The following SFT2D2 variants were observed in gnomAD, a reference collection of about 807,000 sequenced individuals.
SFT2D2 encodes vesicle transport protein SFT2B.
Under a neutral mutation model 27.4 loss-of-function variants are expected in SFT2D2, and 21 were observed. The observed-to-expected ratio is 0.77, with a 90% CI of 0.54 to 1.10. SFT2D2 has a LOEUF of 1.10. Among genes scored for constraint, SFT2D2 ranks in the 50% least tolerant of loss-of-function variants. The pLI, the probability that SFT2D2 is intolerant of heterozygous loss-of-function variation, is 0.00. For missense variants in SFT2D2, 187 were observed against 194.2 expected, an observed-to-expected ratio of 0.96 and a Z score of 0.22; for synonymous variants, 72 against 71.7, an observed-to-expected ratio of 1.00 and a Z score of -0.02.
chr1:168,229,283 G>C (rs1404033047), intron 1 of SFT2D2, among the ~76,000 whole-genome samples: 1 of 152,148 alleles, frequency 6.6e-6, no homozygotes, highest in Non-Finnish European at 1.5e-5. Context: ...GCAGTGGCTC[G>C]ATCTCGGCTC....
Position 168,231,566 on chromosome 1 carries a change from C to T in SFT2D2, c.116C>T (p.Ala39Val), listed in dbSNP as rs910132178. The T allele has an allele frequency of 1.7e-5, 27 of 1,613,848 alleles. No individual in the cohort carries two copies. Among genetic ancestry groups the T allele is most frequent in the African/African-American group, 4.0e-5 (3 of 74,912 alleles). ...AGTACCAGGATAAAAGGCTTCATTGCGTGTTTTGCTATAGGAATTCTCTGC... is the reference window on the plus strand; with the variant it reads ...AGTACCAGGATAAAAGGCTTCATTGTGTGTTTTGCTATAGGAATTCTCTGC... ...SWSTRIKGFI[A>V]CFAIGILCSL... The change falls in exon 2 of 8, where the codon GCG becomes GTG. Residue 39 changes from alanine to valine, a missense_variant. Coordinates refer to ENST00000271375, the MANE Select transcript of SFT2D2 (RefSeq NM_199344.3).
rs1466898835 is a variant in SFT2D2, at chr1:168,245,391, C to T, written c.*2851C>T. 6.6e-6 allele frequency: 1 copy of T among 151,784 alleles called. No homozygotes were observed. The highest frequency in any genetic ancestry group is 1.9e-4 in the East Asian group (1 of 5,182). 9.4% of individuals were successfully genotyped at this position (151,784 alleles called of 1,614,324 possible). On this transcript the variant is annotated 3_prime_UTR_variant, in exon 8 of 8. Transcript: ENST00000271375. Reference sequence around the variant, plus strand: ...AAATATAAAATTCTTGGGAATAAACCCGACAAACTATGTGGATTATCTGTA... The same window carrying T: ...AAATATAAAATTCTTGGGAATAAACTCGACAAACTATGTGGATTATCTGTA...
chr1:168,231,819 T>G lies in SFT2D2; in HGVS notation c.151-15T>G. Reference sequence around the variant, plus strand: ...GAGGGTTGCTCATGTGCAAACACTGTACTTTAAATTCCAGGGTACTGTTCT... The same window carrying G: ...GAGGGTTGCTCATGTGCAAACACTGGACTTTAAATTCCAGGGTACTGTTCT... On this transcript the variant is annotated splice_polypyrimidine_tract_variant and intron_variant, in intron 2 of 7. Coordinates refer to ENST00000271375, the MANE Select transcript of SFT2D2 (RefSeq NM_199344.3). The G allele has an allele frequency of 6.2e-7, 1 of 1,612,996 alleles. No individual in the cohort carries two copies. Among genetic ancestry groups the G allele is most frequent in the South Asian group, 1.1e-5 (1 of 91,062 alleles).
At chr1:168,235,427 T>G (rs1000461718) in intron 4 of SFT2D2, among the ~76,000 whole-genome samples, 21 of 152,180 alleles carry the variant, frequency 1.4e-4, no homozygotes, top group Admixed American at 9.8e-4. Flanking sequence ...CTAGAGGGCA[T>G]TGCTTGTCAG....
At chr1:168,238,752 G>A (rs1647571491) in intron 6 of SFT2D2, among the ~76,000 whole-genome samples, 2 of 151,998 alleles carry the variant, frequency 1.3e-5, no homozygotes, top group African/African-American at 2.4e-5. Context: ...AACTGTTCTG[G>A]GTTTTATTTG....
chr1:168,246,267 A>G lies in SFT2D2; in HGVS notation c.*3727A>G, dbSNP rs2205698. 0.6 allele frequency: 223,442 copies of G among 374,872 alleles called. 68,508 individuals are homozygous for G. Among genetic ancestry groups the G allele is most frequent in the Non-Finnish European group, 0.66 (130,335 of 197,480 alleles). The allele number at this position is 374,872 out of a possible 1,614,324, so 23.2% of individuals were successfully genotyped here. ...AGCATCACATTTGGCTTGACTATCA[A>G]TTACTGTTTTTTCTTGATTGTCAGC... is the stretch of plus-strand genomic sequence containing the variant. On this transcript the variant is annotated 3_prime_UTR_variant, in exon 8 of 8. Coordinates refer to ENST00000271375, the MANE Select transcript of SFT2D2 (RefSeq NM_199344.3).
chr1:168,248,540 C>G lies in SFT2D2; in HGVS notation c.*6000C>G, dbSNP rs1019332585. The G allele has an allele frequency of 3.3e-5, 5 of 152,160 alleles. No individual in the cohort carries two copies. The highest frequency in any genetic ancestry group is 9.7e-5 in the African/African-American group (4 of 41,442). The allele number at this position is 152,160 out of a possible 1,614,324, so 9.4% of individuals were successfully genotyped here. On this transcript the variant is annotated 3_prime_UTR_variant, in exon 8 of 8. Coordinates refer to ENST00000271375, the MANE Select transcript of SFT2D2 (RefSeq NM_199344.3). ...ATTTTGAGATGCGTTCCATCAATAC[C>G]TGGTTTATTGAGAGTTTTTAGCATG...
At chr1:168,229,686 A>G (rs1009531172) in intron 1 of SFT2D2, 9 of 147,794 alleles carry the variant, frequency 6.1e-5, no homozygotes, top group African/African-American at 2.2e-4. Flanking sequence ...TCCCACCTGC[A>G]GCTAGTTCTT....
chr1:168,231,974 G>A (rs1311787341), intron 3 of SFT2D2, 55 bp downstream of exon 3: 4 of 1,504,690 alleles, frequency 2.7e-6, no homozygotes, highest in East Asian at 2.3e-5. Context: ...GAAAATGGAT[G>A]TTGGTTGCCC....
chr1:168,233,620 C>T (rs776191072), intron 3 of SFT2D2, among the ~76,000 whole-genome samples: 1 of 152,112 alleles, frequency 6.6e-6, no homozygotes, highest in Non-Finnish European at 1.5e-5. Flanking sequence ...GCCTGTAAAG[C>T]TTTCTCCAAT....
At chr1:168,231,110 G>C (rs1263075602) in intron 1 of SFT2D2, among the ~76,000 whole-genome samples, 2 of 152,174 alleles carry the variant, frequency 1.3e-5, no homozygotes, top group Non-Finnish European at 2.9e-5. Flanking sequence ...GACCCTGCCT[G>C]GTGGAGGATC....
rs1470449423 is a variant in SFT2D2, at chr1:168,242,488, T to G, written c.444-13T>G. On this transcript the variant is annotated splice_polypyrimidine_tract_variant and intron_variant, in intron 7 of 7. Transcript: ENST00000271375. ...ATGACGTTCCACTCATCTTTGTGTCTTTTCTTTCCTAGGGATGCTGTGAAG... is the reference window on the plus strand; with the variant it reads ...ATGACGTTCCACTCATCTTTGTGTCGTTTCTTTCCTAGGGATGCTGTGAAG... The G allele has an allele frequency of 6.2e-7, 1 of 1,613,988 alleles. No homozygotes were observed. Among genetic ancestry groups the G allele is most frequent in the African/African-American group, 1.3e-5 (1 of 74,912 alleles).
intron 1 of SFT2D2, among the ~76,000 whole-genome samples, chr1:168,230,520 G>A (rs138778932): frequency 6.6e-6 from 1 of 152,218 alleles, no homozygotes; most frequent in Non-Finnish European, 1.5e-5. Context: ...TGTTGCCCAG[G>A]CTGGAGTACA....
chr1:168,250,313 T>A lies in SFT2D2; in HGVS notation c.*7773T>A, dbSNP rs1647921365. The A allele has an allele frequency of 6.6e-6, 1 of 152,240 alleles. No homozygotes were observed. Among genetic ancestry groups the A allele is most frequent in the African/African-American group, 2.4e-5 (1 of 41,444 alleles). The allele number at this position is 152,240 out of a possible 1,614,324, so 9.4% of individuals were successfully genotyped here. A position where few individuals can be genotyped will look rare whatever the true frequency, so the allele number is the denominator to read the frequency against. On this transcript the variant is annotated 3_prime_UTR_variant, in exon 8 of 8. Coordinates refer to ENST00000271375, the MANE Select transcript of SFT2D2 (RefSeq NM_199344.3). ...AATCCATTTCAAATCTGCTGAAACC[T>A]GTTACCAAGCAACAGCAGTGATTAA...
Position 168,235,094 on chromosome 1 carries a change from C to G in SFT2D2, c.237-7C>G. 3 of 1,613,846 alleles carry G rather than the reference C, an allele frequency of 1.9e-6. No homozygotes were observed. The highest frequency in any genetic ancestry group is 2.5e-6 in the Non-Finnish European group (3 of 1,179,978). On this transcript the variant is annotated splice_region_variant and splice_polypyrimidine_tract_variant and intron_variant, in intron 3 of 7. Coordinates refer to ENST00000271375, the MANE Select transcript of SFT2D2 (RefSeq NM_199344.3). ...GAACGGCTTGTGTGCGTGTGTTTGC[C>G]TTTTAGTACCATCTTCCTCATGGGA...
Position 168,252,871 on chromosome 1 carries a change from C to T in SFT2D2, c.*10331C>T, listed in dbSNP as rs1292733092. 2 of 152,152 alleles carry T rather than the reference C, an allele frequency of 1.3e-5. No individual in the cohort carries two copies. Among genetic ancestry groups the T allele is most frequent in the African/African-American group, 2.4e-5 (1 of 41,428 alleles). 9.4% of individuals were successfully genotyped at this position (152,152 alleles called of 1,614,324 possible). A position where few individuals can be genotyped will look rare whatever the true frequency, so the allele number is the denominator to read the frequency against. On this transcript the variant is annotated 3_prime_UTR_variant, in exon 8 of 8. Transcript: ENST00000271375. Reference sequence around the variant, plus strand: ...CATTCTTGAGTACTACTTTTCCTACCTTGAAAATCTATTTCATTTACTAAA... The same window carrying T: ...CATTCTTGAGTACTACTTTTCCTACTTTGAAAATCTATTTCATTTACTAAA...
At chr1:168,230,949 T>A (rs1163928559) in intron 1 of SFT2D2, among the ~76,000 whole-genome samples, 2 of 152,228 alleles carry the variant, frequency 1.3e-5, no homozygotes, top group African/African-American at 4.8e-5. Flanking sequence ...AGGATCTGTC[T>A]CCCACTTGGA....
At chr1:168,234,371 C>A (rs1332494827) in intron 3 of SFT2D2, among the ~76,000 whole-genome samples, 5 of 148,362 alleles carry the variant, frequency 3.4e-5, no homozygotes, top group African/African-American at 1.0e-4. Flanking sequence ...TCCAGCCTGG[C>A]GACAGAGTGA....
At position 168,253,018 on chromosome 1, in the gene SFT2D2, T is replaced by G. The variant is rs1572460830; in HGVS notation, c.*10478T>G. 1 of 152,228 alleles carries G rather than the reference T, an allele frequency of 6.6e-6. No individual in the cohort carries two copies. The highest frequency in any genetic ancestry group is 1.9e-4 in the East Asian group (1 of 5,202). 9.4% of individuals were successfully genotyped at this position (152,228 alleles called of 1,614,324 possible). ...TCAATAAATGATAGCATTATGATCT[T>G]TAATAAATCTAGTGTTGTCTCTTAC... On this transcript the variant is annotated 3_prime_UTR_variant, in exon 8 of 8. Transcript: ENST00000271375.
Sources: gnomAD v4.1 joint callset for allele counts (sites outside exome capture counted in the v4.1 genomes callset) on GRCh38, gnomAD v4.1.1 for gene constraint, MANE v1.5 for transcripts, NCBI Gene and HGNC (gene_info 2026-07-23, HGNC 2026-07-21) for gene names.